The following ELAC1 variants were observed in gnomAD, a reference collection of about 807,000 sequenced individuals.
ELAC1 encodes elaC ribonuclease Z 1, also known as zinc phosphodiesterase ELAC protein 1.
Under a neutral mutation model 25.8 loss-of-function variants are expected in ELAC1, and 19 were observed. That is an observed-to-expected ratio of 0.74 (90% CI 0.51 to 1.08). The LOEUF (loss-of-function observed/expected upper bound fraction) is 1.08. ELAC1 is among the 50% of genes least tolerant of loss of function. The probability of loss-of-function intolerance (pLI) is 0.00; values close to 1 mark genes in which losing one functional copy is unlikely to be tolerated. For missense variants in ELAC1, 403 were observed against 434.6 expected, an observed-to-expected ratio of 0.93 and a Z score of 0.65; for synonymous variants, 148 against 160.9, an observed-to-expected ratio of 0.92 and a Z score of 0.61.
chr18:50,974,398 G>A lies in ELAC1; in HGVS notation c.-7G>A. The A allele has an allele frequency of 1.3e-6, 2 of 1,519,040 alleles. No individual in the cohort carries two copies. The highest frequency in any genetic ancestry group is 1.8e-6 in the Non-Finnish European group (2 of 1,135,886). The allele number at this position is 1,519,040 out of a possible 1,614,324, so 94.1% of individuals were successfully genotyped here. ...CCCCAGATGATCTTTCTGTTGCAGG[G>A]TGGAAGATGTCTATGGATGTGACAT... On this transcript the variant is annotated splice_region_variant and 5_prime_UTR_variant, in exon 2 of 4. It adds an upstream start codon to the 5' untranslated region. Transcript: ENST00000269466.
intron 1 of ELAC1, chr18:50,969,836 G>C (rs1023308696): frequency 5.9e-5 from 9 of 152,192 alleles, no homozygotes; most frequent in African/African-American, 1.9e-4. Context: ...TGTGTCTGAA[G>C]TTTTTCAGAA....
chr18:50,984,057 GA>G (rs1480962825), intron 2 of ELAC1, 38 bp from the exon 3 acceptor site: 8 of 1,430,716 alleles, frequency 5.6e-6, no homozygotes, highest in Non-Finnish European at 4.7e-6. Context: ...TTTAGTTAAT[GA>G]AAAATTTCCA....
rs573506322 is a variant in ELAC1, at chr18:50,973,705, A to AT, written c.-8-684dup. ...TTGTTGTTTAGTGTTTATTAGAAGG[A>AT]TTTTTTTTAAAAAAATTAGTAAGTA... On this transcript the variant is annotated intron_variant, in intron 1 of 3. Coordinates refer to ENST00000269466, the MANE Select transcript of ELAC1 (RefSeq NM_018696.3). Among the ~76,000 whole-genome samples, 261 of 152,104 alleles carry AT rather than the reference A, an allele frequency of 1.7e-3. 7 individuals carry two copies. Among genetic ancestry groups the AT allele is most frequent in the Admixed American group, 0.012 (184 of 15,270 alleles).
chr18:50,970,118 T>C (rs1462334512), intron 1 of ELAC1, among the ~76,000 whole-genome samples: 1 of 152,202 alleles, frequency 6.6e-6, no homozygotes, highest in Admixed American at 6.5e-5. Flanking sequence ...TATGCCACCA[T>C]GCCTGGCTAA....
In ELAC1 at chr18:50,983,155, G is replaced by GTTTTTTTT. The variant is rs552455433; in HGVS notation, c.158-922_158-915dup. Among the ~76,000 whole-genome samples, 28 of 60,872 alleles carry GTTTTTTTT rather than the reference G, an allele frequency of 4.6e-4. 5 individuals are homozygous for GTTTTTTTT. Among genetic ancestry groups the GTTTTTTTT allele is most frequent in the African/African-American group, 1.5e-3 (24 of 15,872 alleles). 39.9% of individuals were successfully genotyped at this position (60,872 alleles called of 152,430 possible). On this transcript the variant is annotated intron_variant, in intron 2 of 3. Coordinates refer to ENST00000269466, the MANE Select transcript of ELAC1 (RefSeq NM_018696.3). The stretch of plus-strand genomic sequence containing the variant: ...GGTACACTTGTATATTTTACTTGGT[G>GTTTTTTTT]TTTTTTTTTTTTTTTTTTTTTTTTT...
Position 50,974,393 on chromosome 18 carries a change from G to A in ELAC1, c.-8-4G>A. ...ATAATCCCCAGATGATCTTTCTGTT[G>A]CAGGGTGGAAGATGTCTATGGATGT... On this transcript the variant is annotated splice_polypyrimidine_tract_variant and splice_region_variant and intron_variant, in intron 1 of 3. Coordinates refer to ENST00000269466, the MANE Select transcript of ELAC1 (RefSeq NM_018696.3). 1 of 1,513,668 alleles carries A rather than the reference G, an allele frequency of 6.6e-7. No individual in the cohort carries two copies. Among genetic ancestry groups the A allele is most frequent in the Non-Finnish European group, 8.8e-7 (1 of 1,133,218 alleles). The allele number at this position is 1,513,668 out of a possible 1,614,324, so 93.8% of individuals were successfully genotyped here. A position where few individuals can be genotyped will look rare whatever the true frequency, so the allele number is the denominator to read the frequency against.
chr18:50,976,854 G>A lies in ELAC1; in HGVS notation c.157+2293G>A, dbSNP rs1423767941. On this transcript the variant is annotated intron_variant, in intron 2 of 3. Transcript: ENST00000269466. ...AGTTAGTTACTTCTTAGATACAATGGGGGTACAGGCATTGGGTAAATATAC... is the reference window on the plus strand; with the variant it reads ...AGTTAGTTACTTCTTAGATACAATGAGGGTACAGGCATTGGGTAAATATAC... Among the ~76,000 whole-genome samples, 4 of 152,316 alleles carry A rather than the reference G, an allele frequency of 2.6e-5. No homozygotes were observed. The East Asian group carries it at 5.8e-4, about 22-fold the overall frequency.
chr18:50,971,945 C>CATATATATATATAA, intron 1 of ELAC1, among the ~76,000 whole-genome samples: 1 of 82,502 alleles, frequency 1.2e-5, no homozygotes, highest in African/African-American at 5.7e-5. Flanking sequence ...TATATATATC[C>CATATATATATATAA]TTTGCCTGTT....
At chr18:50,971,890 GTA>G (rs1253586508) in intron 1 of ELAC1, among the ~76,000 whole-genome samples, 40 of 114,586 alleles carry the variant, frequency 3.5e-4, no homozygotes, top group South Asian at 8.2e-4. Context: ...GTATATATAT[GTA>G]TATATGTGTG....
chr18:50,980,507 G>A (rs551130345), intron 2 of ELAC1, among the ~76,000 whole-genome samples: 12 of 152,192 alleles, frequency 7.9e-5, no homozygotes, highest in African/African-American at 2.9e-4. Flanking sequence ...GCTCATGCCT[G>A]TAATCCCAGC....
intron 2 of ELAC1, among the ~76,000 whole-genome samples, chr18:50,975,293 G>A (rs1907772600): frequency 6.6e-6 from 1 of 152,008 alleles, no homozygotes; most frequent in Non-Finnish European, 1.5e-5. Flanking sequence ...CTGTGTGATT[G>A]CCTCTTTCTC....
intron 1 of ELAC1, among the ~76,000 whole-genome samples, chr18:50,971,015 GAATA>G (rs1907142269): frequency 1.3e-5 from 2 of 152,160 alleles, no homozygotes; most frequent in African/African-American, 2.4e-5. Flanking sequence ...ATTAGCTGCA[GAATA>G]AATAGTTGAT....
intron 2 of ELAC1, among the ~76,000 whole-genome samples, chr18:50,981,175 A>G (rs1193428095): frequency 1.4e-4 from 21 of 150,786 alleles, no homozygotes; most frequent in Non-Finnish European, 2.1e-4. Flanking sequence ...AATGATTATT[A>G]AAAGTATTAT....
intron 1 of ELAC1, chr18:50,968,475 G>A (rs899159859): frequency 8.5e-5 from 13 of 152,336 alleles, no homozygotes; most frequent in African/African-American, 2.9e-4. Flanking sequence ...GCACACCACA[G>A]GGTGATTGCA....
intron 2 of ELAC1, among the ~76,000 whole-genome samples, chr18:50,977,561 G>A (rs614884): frequency 0.49 from 73,802 of 152,026 alleles, 18,970 homozygotes; most frequent in African/African-American, 0.67. Flanking sequence ...CCAGGAAACC[G>A]TTTTTCCCTC....
chr18:50,984,644 T>A, intron 3 of ELAC1, 81 bp downstream of exon 3: 1 of 1,066,782 alleles, frequency 9.4e-7, no homozygotes, highest in Non-Finnish European at 1.4e-6. Flanking sequence ...AGAAATGTCA[T>A]AGTAAGGCCA....
chr18:50,971,519 C>CT (rs1404762040), intron 1 of ELAC1, among the ~76,000 whole-genome samples: 1 of 152,100 alleles, frequency 6.6e-6, no homozygotes, highest in African/African-American at 2.4e-5. Context: ...TCCTGAAAAG[C>CT]TGGGACTATA....
At position 50,984,207 on chromosome 18, in the gene ELAC1, C is replaced by T. The variant is rs1908036312; in HGVS notation, c.269C>T (p.Pro90Leu). ...AGTGGCTCCATGGTGTCCAAACAGC[C>T]TATTGAAATCTATGGCCCTGTAGGG... is the stretch of plus-strand genomic sequence containing the variant. ...LQSGSMVSKQ[P>L]IEIYGPVGLR... is the part of the protein sequence containing the mutation. The change falls in exon 3 of 4, where the codon CCT becomes CTT. Residue 90 changes from proline to leucine, a missense_variant. Physicochemically the swap from Pro to Leu is moderately conservative, Grantham distance 98 (BLOSUM62 -3). Transcript: ENST00000269466. 1.9e-6 allele frequency: 3 copies of T among 1,614,166 alleles called. No individual in the cohort carries two copies.
At chr18:50,985,729 A>G (rs559244784) in intron 3 of ELAC1, among the ~76,000 whole-genome samples, 3 of 152,344 alleles carry the variant, frequency 2.0e-5, no homozygotes, top group Non-Finnish European at 4.4e-5. Context: ...TGGAAATACT[A>G]TTATATTTGG....
Sources: gnomAD v4.1 joint callset for allele counts (sites outside exome capture counted in the v4.1 genomes callset) on GRCh38, gnomAD v4.1.1 for gene constraint, MANE v1.5 for transcripts, NCBI Gene and HGNC (gene_info 2026-07-23, HGNC 2026-07-21) for gene names.